Variants in FOXP4 observed in about 807,000 individuals in gnomAD.
FOXP4 encodes the protein forkhead box P4, also known as forkhead box protein P4.
In FOXP4, 25 loss-of-function variants were observed where a neutral mutation model predicts 82.6. The ratio of observed to expected loss-of-function variants is 0.30; its 90% confidence interval spans 0.22 to 0.42. FOXP4 has a LOEUF of 0.42. FOXP4 is among the 10% of genes least tolerant of loss of function. FOXP4 has a pLI of 1.00. For missense variants in FOXP4, 785 were observed against 900.9 expected (o/e 0.87, Z 1.65); for synonymous variants, 415 against 388.2 (o/e 1.07, Z -0.81).
intron 8 of FOXP4, 67 bp from the exon 9 acceptor site, chr6:41,588,577 G>A (rs1766302683): frequency 6.8e-7 from 1 of 1,473,952 alleles, no homozygotes; most frequent in East Asian, 2.3e-5. Context: ...TTAGAGGATA[G>A]GATGGGAGGA....
chr6:41,555,413 T>G (rs1764221374), intron 1 of FOXP4, among the ~76,000 whole-genome samples: 1 of 152,178 alleles, frequency 6.6e-6, no homozygotes, highest in Admixed American at 6.5e-5. Flanking sequence ...AAGTCATCAC[T>G]TGCCCCCTAC....
At chr6:41,586,283 A>G (rs1766113033) in intron 5 of FOXP4, among the ~76,000 whole-genome samples, 1 of 149,974 alleles carries the variant, frequency 6.7e-6, no homozygotes, top group Admixed American at 6.6e-5. Context: ...ACCCTACCCC[A>G]TGCTTCCCAC....
intron 2 of FOXP4, 52 bp downstream of exon 2, chr6:41,566,016 C>T: frequency 6.5e-7 from 1 of 1,536,836 alleles, no homozygotes; most frequent in Non-Finnish European, 8.9e-7. Context: ...GGGCACTAGG[C>T]TGCATTCCAC....
chr6:41,575,594 A>G (rs1348386158), intron 2 of FOXP4, among the ~76,000 whole-genome samples: 1 of 152,062 alleles, frequency 6.6e-6, no homozygotes, highest in Non-Finnish European at 1.5e-5. Flanking sequence ...GGTCTCAGGA[A>G]TGAGACTGCA....
At chr6:41,578,734 A>G (rs1765638890) in intron 3 of FOXP4, among the ~76,000 whole-genome samples, 2 of 151,178 alleles carry the variant, frequency 1.3e-5, no homozygotes, top group African/African-American at 4.9e-5. Flanking sequence ...TGGGGGAGCC[A>G]GGCCTTCTGT....
At position 41,590,048 on chromosome 6, in the gene FOXP4, C is replaced by T. The variant is rs1480033809; in HGVS notation, c.1235C>T (p.Pro412Leu). The change falls in exon 11 of 17, where the codon CCG (proline) becomes CTG (leucine). Residue 412 changes from proline to leucine, a missense_variant. By Grantham distance (98) the Pro-to-Leu change is moderately conservative. Transcript: ENST00000307972. ...DSFPDGLVHP[P>L]TSAAAPVTPL... ...TTCCCAGATGGTCTCGTGCACCCCC[C>T]GACCTCGGCCGCAGCCCCTGTCACC... 1.1e-5 allele frequency: 17 copies of T among 1,613,766 alleles called. No homozygotes were observed. The highest frequency in any genetic ancestry group is 1.3e-5 in the Non-Finnish European group (15 of 1,179,988).
chr6:41,595,806 G>A (rs999107152), intron 14 of FOXP4, among the ~76,000 whole-genome samples: 8 of 152,068 alleles, frequency 5.3e-5, no homozygotes, highest in Admixed American at 2.6e-4. Context: ...GTTTCACCAC[G>A]TTGGTCAGGC....
chr6:41,571,295 T>C (rs1280161269), intron 2 of FOXP4, among the ~76,000 whole-genome samples: 1 of 152,236 alleles, frequency 6.6e-6, no homozygotes, highest in Non-Finnish European at 1.5e-5. Context: ...GCATCATTGC[T>C]AGAAGCAGGC....
chr6:41,549,879 G>A (rs1763901835), intron 1 of FOXP4, among the ~76,000 whole-genome samples: 1 of 152,090 alleles, frequency 6.6e-6, no homozygotes, highest in Non-Finnish European at 1.5e-5. Flanking sequence ...GCGGTTTCCT[G>A]TCTCTCCAGC....
intron 3 of FOXP4, 130 bp from the exon 4 acceptor site, chr6:41,584,639 A>G (rs190134215): frequency 4.1e-4 from 431 of 1,054,026 alleles, no homozygotes; most frequent in Middle Eastern, 2.7e-3. Flanking sequence ...GCCAGCAGGC[A>G]GCAGAGCCAG....
intron 1 of FOXP4, among the ~76,000 whole-genome samples, chr6:41,551,506 A>G (rs1470850993): frequency 1.3e-5 from 2 of 152,152 alleles, no homozygotes; most frequent in African/African-American, 4.8e-5. Context: ...GCTCTGGCCA[A>G]CTGGAGCCTC....
rs565640786 is a variant in FOXP4 at position 41,590,423 on chromosome 6, C to T, written c.1434+76C>T. The T allele has an allele frequency of 3.3e-5, 50 of 1,496,768 alleles. No homozygotes were observed. The African/African-American group carries it at 6.7e-4, about 20-fold the overall frequency. 92.7% of individuals were successfully genotyped at this position (1,496,768 alleles called of 1,614,324 possible). A position where few individuals can be genotyped will look rare whatever the true frequency, so the allele number is the denominator to read the frequency against. ...CCCAGCCCCCGCCACACCCCTGCCT[C>T]CAGGAAGGTCCTGGGGCCAAGCAAT... On this transcript the variant is annotated intron_variant, in intron 12 of 16. Transcript: ENST00000307972.
intron 2 of FOXP4, among the ~76,000 whole-genome samples, chr6:41,576,366 G>T (rs755965682): frequency 1.5e-4 from 23 of 152,286 alleles, no homozygotes; most frequent in South Asian, 4.2e-4. Context: ...ATGAACGGAC[G>T]CGAAGGTGGT....
chr6:41,583,358 G>C (rs1765912643), intron 3 of FOXP4, among the ~76,000 whole-genome samples: 1 of 152,148 alleles, frequency 6.6e-6, no homozygotes. Context: ...CCTCTGCCAG[G>C]CATTGAAAAG....
chr6:41,566,811 G>A, intron 2 of FOXP4, among the ~76,000 whole-genome samples: 1 of 152,178 alleles, frequency 6.6e-6, no homozygotes. Flanking sequence ...AGTGGGGCAG[G>A]GGGCGGGGTA....
intron 13 of FOXP4, among the ~76,000 whole-genome samples, chr6:41,594,135 A>T (rs771315964): frequency 7.2e-5 from 11 of 152,314 alleles, no homozygotes; most frequent in African/African-American, 2.6e-4. Context: ...CAAGCGTCCT[A>T]CAAACCAGAT....
Position 41,589,836 on chromosome 6 carries a change from C to A in FOXP4, c.1131C>A (p.Pro377=). ...ACCTGCACATGCGGCCCTCGGAGCC[C>A]AAGCCCTTCAGCCAGCCAGTGAGTG... ...MAHLHMRPSE[P]KPFSQPLNPV... is the part of the protein sequence containing the mutation. Residue 377 remains proline, a synonymous_variant, in exon 10 of 17, where the codon CCC becomes CCA. Coordinates refer to ENST00000307972, the MANE Select transcript of FOXP4 (RefSeq NM_001012426.2). 6.2e-7 allele frequency: 1 copy of A among 1,610,852 alleles called. No homozygotes were observed.
In FOXP4 at chr6:41,591,465, A is replaced by G. The variant is rs1766509342; in HGVS notation, c.1536+143A>G. 6 of 697,374 alleles carry G rather than the reference A, an allele frequency of 8.6e-6. No individual in the cohort carries two copies. In the South Asian group the frequency reaches 1.0e-4, roughly 12 times the overall value. 43.2% of individuals were successfully genotyped at this position (697,374 alleles called of 1,614,324 possible). Reference sequence around the variant, plus strand: ...CACCCAAGGGCCCAGCCAGGGCTGCATGCCCACGCCCACCTCAGCAGGGGC... The same window carrying G: ...CACCCAAGGGCCCAGCCAGGGCTGCGTGCCCACGCCCACCTCAGCAGGGGC... On this transcript the variant is annotated intron_variant, in intron 13 of 16. Coordinates refer to ENST00000307972, the MANE Select transcript of FOXP4 (RefSeq NM_001012426.2). The surrounding 1 kb of genome is among the most constrained non-coding windows in gnomAD (Gnocchi z 4.2).
intron 13 of FOXP4, among the ~76,000 whole-genome samples, chr6:41,592,883 C>T (rs555646198): frequency 6.6e-6 from 1 of 152,302 alleles, no homozygotes; most frequent in South Asian, 2.1e-4. Context: ...CCTTTCACAT[C>T]TCTGTGGTGT....
Sources: allele counts gnomAD v4.1 joint callset (sites outside exome capture counted in the v4.1 genomes callset), GRCh38; gene constraint gnomAD v4.1.1; non-coding constraint Gnocchi (gnomAD v3.1); transcripts MANE v1.5; gene names NCBI Gene and HGNC (gene_info 2026-07-23, HGNC 2026-07-21).